The following STIMATE variants were observed in gnomAD, a reference collection of about 807,000 sequenced individuals.
STIMATE encodes the protein STIM activating enhancer.
STIMATE carries 15 observed loss-of-function variants against 36.7 expected under a neutral mutation model. The observed-to-expected ratio is 0.41, with a 90% CI of 0.27 to 0.63. STIMATE has a LOEUF of 0.63. Among genes scored for constraint, STIMATE ranks in the 20% least tolerant of loss-of-function variants. The pLI is 0.32. For missense variants in STIMATE, 305 were observed against 397.3 expected (o/e 0.77, Z 1.98); for synonymous variants, 163 against 162.3 (o/e 1.00, Z -0.03).
intron 1 of STIMATE, among the ~76,000 whole-genome samples, chr3:52,892,981 A>T (rs894204495): frequency 3.9e-5 from 6 of 152,110 alleles, no homozygotes; most frequent in African/African-American, 1.4e-4. Flanking sequence ...ACACCCAGAC[A>T]ACTCCAGAAT....
At chr3:52,887,878 A>G (rs911367078) in intron 1 of STIMATE, among the ~76,000 whole-genome samples, 9 of 152,248 alleles carry the variant, frequency 5.9e-5, no homozygotes, top group Middle Eastern at 3.4e-3. Context: ...CCTATTTAGA[A>G]TATTAGTAAA....
chr3:52,891,538 A>G (rs374109445), intron 1 of STIMATE, among the ~76,000 whole-genome samples: 1 of 152,310 alleles, frequency 6.6e-6, no homozygotes, highest in East Asian at 1.9e-4. Flanking sequence ...CAGAGCCCAC[A>G]TGAGGGCCCT....
intron 1 of STIMATE, among the ~76,000 whole-genome samples, chr3:52,859,171 T>C (rs4687677): frequency 6.9e-6 from 1 of 145,766 alleles, no homozygotes; most frequent in Admixed American, 6.9e-5. Flanking sequence ...TCAAAAAAAA[T>C]AAAATAAATA....
chr3:52,840,700 GT>G (rs71901519), intron 7 of STIMATE, 90 bp from the exon 8 acceptor site: 203,103 of 778,554 alleles, frequency 0.26, 2,805 homozygotes, highest in East Asian at 0.32. Context: ...CAAGTCTCAT[GT>G]TTTTTTTTTT....
chr3:52,842,652 C>T (rs1700817543), intron 7 of STIMATE, among the ~76,000 whole-genome samples, 159 bp downstream of exon 7: 1 of 152,226 alleles, frequency 6.6e-6, no homozygotes, highest in Non-Finnish European at 1.5e-5. Flanking sequence ...ACAGAGCTGT[C>T]TGCCCCTCGC....
rs143890072 is a variant in STIMATE, at chr3:52,862,902, A to T, written c.161-7458T>A. Among the ~76,000 whole-genome samples, 519 of 152,280 alleles carry T rather than the reference A, an allele frequency of 3.4e-3. 2 individuals carry two copies. Among genetic ancestry groups the T allele is most frequent in the African/African-American group, 0.012 (488 of 41,530 alleles). On this transcript the variant is annotated intron_variant, in intron 1 of 7. Transcript: ENST00000355083. ...AGGAATAGAGACAGAAGGGGAAGAG[A>T]AGAAGGACCTGTGAAGATGGAAGCA...
At chr3:52,885,414 C>CT (rs1352694912) in intron 1 of STIMATE, among the ~76,000 whole-genome samples, 6 of 152,166 alleles carry the variant, frequency 3.9e-5, no homozygotes, top group Non-Finnish European at 5.9e-5. Flanking sequence ...ACTTTGTACT[C>CT]TTTTCTCTAG....
intron 1 of STIMATE, among the ~76,000 whole-genome samples, chr3:52,859,019 G>A (rs1471239652): frequency 6.6e-6 from 1 of 151,918 alleles, no homozygotes; most frequent in Non-Finnish European, 1.5e-5. Context: ...AAACTTAGCT[G>A]GGTGTGGTGG....
chr3:52,879,740 G>A (rs1701570759), intron 1 of STIMATE, among the ~76,000 whole-genome samples: 1 of 152,196 alleles, frequency 6.6e-6, no homozygotes, highest in African/African-American at 2.4e-5. Flanking sequence ...AGTCATAAAA[G>A]GCACCATGAA....
At chr3:52,842,369 T>C (rs1700812793) in intron 7 of STIMATE, among the ~76,000 whole-genome samples, 1 of 152,222 alleles carries the variant, frequency 6.6e-6, no homozygotes, top group African/African-American at 2.4e-5. Context: ...TCCTGCAAGG[T>C]CTGGCTACCC....
At chr3:52,885,478 A>G (rs1701674571) in intron 1 of STIMATE, among the ~76,000 whole-genome samples, 1 of 152,192 alleles carries the variant, frequency 6.6e-6, no homozygotes, top group South Asian at 2.1e-4. Context: ...GGGTCTATGG[A>G]TGTCCCAGGT....
At chr3:52,868,635 T>C (rs1430070553) in intron 1 of STIMATE, among the ~76,000 whole-genome samples, 1 of 152,188 alleles carries the variant, frequency 6.6e-6, no homozygotes, top group Non-Finnish European at 1.5e-5. Context: ...ATTATTTTAT[T>C]TTTTGAGACA....
At chr3:52,866,323 T>G (rs537778798) in intron 1 of STIMATE, among the ~76,000 whole-genome samples, 1 of 152,358 alleles carries the variant, frequency 6.6e-6, no homozygotes, top group South Asian at 2.1e-4. Context: ...CGTGCACCCA[T>G]CAGGCCACTT....
chr3:52,847,655 G>A, intron 4 of STIMATE: 2 of 896,538 alleles, frequency 2.2e-6, no homozygotes, highest in Non-Finnish European at 3.2e-6. Context: ...AGGATAACAG[G>A]TGTGGGAGGT....
chr3:52,897,014 C>T (rs891204689), intron 1 of STIMATE, among the ~76,000 whole-genome samples: 1 of 152,000 alleles, frequency 6.6e-6, no homozygotes, highest in African/African-American at 2.4e-5. Context: ...GGTAACAATT[C>T]GAGATGGTAA....
At chr3:52,892,055 C>G (rs1272756060) in intron 1 of STIMATE, among the ~76,000 whole-genome samples, 1 of 152,172 alleles carries the variant, frequency 6.6e-6, no homozygotes, top group African/African-American at 2.4e-5. Context: ...CAGGCTGGAT[C>G]CAGAGCCAGG....
intron 4 of STIMATE, among the ~76,000 whole-genome samples, chr3:52,845,916 C>A (rs1402482360): frequency 4.2e-5 from 3 of 70,898 alleles, no homozygotes; most frequent in African/African-American, 6.7e-5. Context: ...AGAGGGGGTA[C>A]AGGGTAGCAT....
chr3:52,896,110 T>C (rs1047936573), intron 1 of STIMATE, among the ~76,000 whole-genome samples: 6 of 152,132 alleles, frequency 3.9e-5, no homozygotes, highest in African/African-American at 1.4e-4. Context: ...GATCAGAGCC[T>C]CTTCAGGGTT....
At chr3:52,867,235 T>C (rs546961762) in intron 1 of STIMATE, among the ~76,000 whole-genome samples, 1 of 152,352 alleles carries the variant, frequency 6.6e-6, no homozygotes, top group South Asian at 2.1e-4. Flanking sequence ...TATTGTTACA[T>C]CTACAGTGTA....
Sources: gnomAD v4.1 joint callset for allele counts (sites outside exome capture counted in the v4.1 genomes callset) on GRCh38, gnomAD v4.1.1 for gene constraint, MANE v1.5 for transcripts, NCBI Gene and HGNC (gene_info 2026-07-23, HGNC 2026-07-21) for gene names.